The following TRHDE variants were observed in gnomAD, a reference collection of about 807,000 sequenced individuals.
TRHDE encodes the protein thyrotropin releasing hormone degrading enzyme, also known as thyrotropin-releasing hormone-degrading ectoenzyme.
TRHDE carries 72 observed loss-of-function variants against 125.7 expected under a neutral mutation model. The ratio of observed to expected loss-of-function variants is 0.57; its 90% CI spans 0.47 to 0.70. The LOEUF (loss-of-function observed/expected upper bound fraction) is 0.70. Among genes scored for constraint, TRHDE ranks in the 30% least tolerant of loss-of-function variants. The pLI is 0.00. For synonymous variants in TRHDE, 509 were observed against 509.1 expected, an observed-to-expected ratio of 1.00 and a Z score of 0.00; for missense variants, 1,110 against 1,327.1, an observed-to-expected ratio of 0.84 and a Z score of 2.54.
intron 2 of TRHDE, among the ~76,000 whole-genome samples, chr12:72,172,672 C>A (rs1011673624): frequency 3.9e-5 from 6 of 152,078 alleles, no homozygotes; most frequent in Admixed American, 2.6e-4. Flanking sequence ...TGGAGTAGAA[C>A]CAAACCTAAG....
chr12:72,488,394 A>C (rs1877510656), intron 5 of TRHDE, among the ~76,000 whole-genome samples: 2 of 152,110 alleles, frequency 1.3e-5, no homozygotes, highest in African/African-American at 4.8e-5. Context: ...TTCAAATCAC[A>C]AACAATCAAA....
intron 2 of TRHDE, among the ~76,000 whole-genome samples, chr12:72,350,910 T>TA (rs1288274584): frequency 2.6e-5 from 4 of 151,982 alleles, no homozygotes; most frequent in Admixed American, 6.6e-5. Context: ...TGGTCAATGT[T>TA]ACTATGAGTG....
At chr12:72,538,819 GT>G (rs1379380399) in intron 6 of TRHDE, among the ~76,000 whole-genome samples, 1 of 151,800 alleles carries the variant, frequency 6.6e-6, no homozygotes, top group Non-Finnish European at 1.5e-5. Flanking sequence ...GTTATCATTT[GT>G]TTCTGGTTAC....
At chr12:72,507,319 A>G (rs1878396245) in intron 6 of TRHDE, among the ~76,000 whole-genome samples, 1 of 152,220 alleles carries the variant, frequency 6.6e-6, no homozygotes, top group Non-Finnish European at 1.5e-5. Flanking sequence ...AACAGTTTGG[A>G]GGGCTCAGAA....
At chr12:72,514,526 T>C (rs11832989) in intron 6 of TRHDE, among the ~76,000 whole-genome samples, 26,779 of 151,746 alleles carry the variant, frequency 0.18, 2,777 homozygotes, top group East Asian at 0.48. Flanking sequence ...GAACTGAAGA[T>C]ACTGTGTATT....
intron 2 of TRHDE, among the ~76,000 whole-genome samples, chr12:72,376,764 G>A (rs868249963): frequency 3.5e-4 from 53 of 151,650 alleles, no homozygotes; most frequent in African/African-American, 1.2e-3. Flanking sequence ...AATAGATGAT[G>A]TATAACATGT....
intron 3 of TRHDE, among the ~76,000 whole-genome samples, chr12:72,410,419 A>G (rs1183861249): frequency 6.6e-6 from 1 of 152,134 alleles, no homozygotes; most frequent in Non-Finnish European, 1.5e-5. Context: ...TAACTTTAAT[A>G]TCAGAACCTA....
In TRHDE at chr12:72,272,765, C is replaced by T. The variant is rs928878479; in HGVS notation, c.122C>T (p.Pro41Leu). 1 of 1,541,662 alleles carries T rather than the reference C, an allele frequency of 6.5e-7. No homozygotes were observed. Among genetic ancestry groups the T allele is most frequent in the Non-Finnish European group, 8.7e-7 (1 of 1,146,012 alleles). The change falls in exon 1 of 19, where the codon CCC (proline) becomes CTC (leucine). Residue 41 changes from proline to leucine, a missense_variant. Around this residue, in one of 5 missense-constraint regions of TRHDE, gnomAD observed 248 missense variants for 240.8 expected, o/e 1.03. Transcript: ENST00000261180. The surrounding 1 kb of genome is among the most constrained non-coding windows in gnomAD (Gnocchi z 6.7). ...GAGGGGGCCGAGAAGAGCAGCTCAC[C>T]CTTCGCAGCCGCGATGGGGGAAGAC... ...EEEGAEKSSSPFAAAMGEDDA... is the reference protein window; with the variant it reads ...EEEGAEKSSSLFAAAMGEDDA...
At chr12:72,266,050 T>G (rs1879060677) in intron 2 of TRHDE, among the ~76,000 whole-genome samples, 1 of 152,050 alleles carries the variant, frequency 6.6e-6, no homozygotes, top group African/African-American at 2.4e-5. Flanking sequence ...ACAGCTATAT[T>G]GATAAACATT....
intron 5 of TRHDE, among the ~76,000 whole-genome samples, chr12:72,486,959 A>G (rs376794057): frequency 7.0e-4 from 106 of 152,250 alleles, no homozygotes; most frequent in Non-Finnish European, 1.1e-3. Flanking sequence ...GAAGAGATAG[A>G]TATTTAAAAA....
intron 2 of TRHDE, among the ~76,000 whole-genome samples, chr12:72,213,577 A>G (rs577277754): frequency 5.5e-4 from 83 of 152,164 alleles, no homozygotes; most frequent in Non-Finnish European, 1.1e-3. Flanking sequence ...TTTTTAATTG[A>G]AATCTGCTCT....
Position 72,663,330 on chromosome 12 carries a change from A to G in TRHDE, c.*135A>G. 1 of 643,490 alleles carries G rather than the reference A, an allele frequency of 1.6e-6. No individual in the cohort carries two copies. The highest frequency in any genetic ancestry group is 2.4e-6 in the Non-Finnish European group (1 of 423,128). The allele number at this position is 643,490 out of a possible 1,614,324, so 39.9% of individuals were successfully genotyped here. A position where few individuals can be genotyped will look rare whatever the true frequency, so the allele number is the denominator to read the frequency against. On this transcript the variant is annotated 3_prime_UTR_variant, in exon 19 of 19. Transcript: ENST00000261180. ...AACGTGTGGGAGGAATTTTTTTTTT[A>G]GTTTTTATTTTTTGGTTTTGGGGGA... is the stretch of plus-strand genomic sequence containing the variant.
At chr12:72,375,792 T>C (rs535769278) in intron 2 of TRHDE, among the ~76,000 whole-genome samples, 4 of 152,316 alleles carry the variant, frequency 2.6e-5, no homozygotes, top group South Asian at 4.1e-4. Context: ...ATAATGCATG[T>C]CTTCTTCACT....
At chr12:72,286,644 A>G (rs1592520061) in intron 1 of TRHDE, 37 bp from the exon 2 acceptor site, 1 of 1,589,868 alleles carries the variant, frequency 6.3e-7, no homozygotes, top group Non-Finnish European at 8.6e-7. Flanking sequence ...AACTCACAAC[A>G]TAAATGTAAT....
chr12:72,232,844 T>C (rs142443305), intron 2 of TRHDE, among the ~76,000 whole-genome samples: 48 of 152,248 alleles, frequency 3.2e-4, no homozygotes, highest in African/African-American at 1.1e-3. Context: ...CTCCCTACAG[T>C]TTTTCTGCCT....
At chr12:72,271,768 T>G (rs746609936), upstream of TRHDE, 29 of 389,948 alleles carry the variant, frequency 7.4e-5, no homozygotes, top group Non-Finnish European at 1.4e-4. Context: ...CGCTCGGACA[T>G]ACGCACTTCG....
chr12:72,250,213 G>A (rs767084128), intron 2 of TRHDE, among the ~76,000 whole-genome samples: 1 of 152,174 alleles, frequency 6.6e-6, no homozygotes, highest in Non-Finnish European at 1.5e-5. Context: ...TATGACAATG[G>A]TCACACAGGG....
intron 2 of TRHDE, among the ~76,000 whole-genome samples, chr12:72,112,744 C>CCTT (rs1875349073): frequency 6.6e-6 from 1 of 152,168 alleles, no homozygotes; most frequent in Non-Finnish European, 1.5e-5. Context: ...TAATCACACT[C>CCTT]CTAGATGGAT....
chr12:72,308,744 G>T (rs1339186369), intron 2 of TRHDE, among the ~76,000 whole-genome samples: 2 of 152,078 alleles, frequency 1.3e-5, no homozygotes, highest in African/African-American at 4.8e-5. Flanking sequence ...TTTCAAAACT[G>T]TTATGCTACC....
Sources: gnomAD v4.1 joint callset for allele counts (sites outside exome capture counted in the v4.1 genomes callset) on GRCh38, gnomAD v4.1.1 for gene constraint, gnomAD v4.1.1 regional missense constraint, Gnocchi (gnomAD v3.1) non-coding constraint, MANE v1.5 for transcripts, NCBI Gene and HGNC (gene_info 2026-07-23, HGNC 2026-07-21) for gene names.